Variants in COA8 observed in about 807,000 individuals in gnomAD.
The protein encoded by COA8 is cytochrome c oxidase assembly factor 8.
A neutral mutation model predicts 22.0 loss-of-function variants in COA8; 20 were observed. The observed-to-expected ratio is 0.91, with a 90% CI of 0.64 to 1.32. The LOEUF is 1.32. Among genes scored for constraint, COA8 ranks in the 40% most tolerant of loss-of-function variants. The pLI is 0.00. For synonymous variants in COA8, 105 were observed against 79.9 expected (o/e 1.31, Z -1.68); for missense variants, 266 against 230.0 (o/e 1.16, Z -1.01).
At chr14:103,578,024 CAAAA>C (rs780479034) in intron 3 of COA8, among the ~76,000 whole-genome samples, 1 of 49,130 alleles carries the variant, frequency 2.0e-5, no homozygotes, top group Non-Finnish European at 3.7e-5. Flanking sequence ...AACTCCATCT[CAAAA>C]AAAAAAAAAA....
At chr14:103,575,880 T>C (rs2076226324) in intron 3 of COA8, among the ~76,000 whole-genome samples, 1 of 152,074 alleles carries the variant, frequency 6.6e-6, no homozygotes, top group African/African-American at 2.4e-5. Context: ...TTTTTGTGTT[T>C]TTTGTAGAGA....
intron 3 of COA8, among the ~76,000 whole-genome samples, chr14:103,579,717 C>T (rs1332552004): frequency 1.3e-5 from 2 of 151,082 alleles, no homozygotes; most frequent in East Asian, 4.1e-4. Flanking sequence ...AATCCTAGCA[C>T]TTTGGGAGGC....
At chr14:103,577,238 T>TTGTG (rs140756546) in intron 3 of COA8, among the ~76,000 whole-genome samples, 53 of 150,860 alleles carry the variant, frequency 3.5e-4, no homozygotes, top group East Asian at 2.5e-3. Context: ...CCTGGCTAAT[T>TTGTG]TGTGTGTGTG....
intron 4 of COA8, among the ~76,000 whole-genome samples, chr14:103,589,949 C>T (rs139135370): frequency 0.02 from 3,096 of 152,048 alleles, 47 homozygotes; most frequent in Middle Eastern, 0.044. Flanking sequence ...TGGTGGCGGC[C>T]TCCAGAAACA....
intron 1 of COA8, among the ~76,000 whole-genome samples, chr14:103,568,111 A>G (rs1241453825): frequency 6.6e-6 from 1 of 152,204 alleles, no homozygotes; most frequent in Non-Finnish European, 1.5e-5. Context: ...TGAGAGTTAG[A>G]ACAGGAAGCA....
chr14:103,563,157 G>A, intron 1 of COA8, 33 bp downstream of exon 1: 4 of 1,539,164 alleles, frequency 2.6e-6, no homozygotes, highest in Non-Finnish European at 3.5e-6. Flanking sequence ...TGGGCCGGGA[G>A]GGGTGACCGG....
chr14:103,589,202 G>T (rs557669407), intron 4 of COA8, among the ~76,000 whole-genome samples: 3 of 152,296 alleles, frequency 2.0e-5, no homozygotes, highest in African/African-American at 7.2e-5. Context: ...ATAGAATCAG[G>T]TCGTCTGTAT....
intron 1 of COA8, among the ~76,000 whole-genome samples, chr14:103,564,564 T>C (rs58033365): frequency 0.23 from 32,575 of 141,318 alleles, 4,585 homozygotes; most frequent in East Asian, 0.33. Flanking sequence ...TATTGTCATA[T>C]ACACTTCTTT....
intron 1 of COA8, among the ~76,000 whole-genome samples, chr14:103,568,466 T>C (rs560814113): frequency 1.4e-3 from 205 of 151,168 alleles, no homozygotes; most frequent in African/African-American, 2.2e-3. Context: ...CATACATACA[T>C]ACACACACAC....
At chr14:103,585,880 T>C (rs1232742989) in intron 3 of COA8, among the ~76,000 whole-genome samples, 3 of 150,648 alleles carry the variant, frequency 2.0e-5, no homozygotes, top group Non-Finnish European at 1.5e-5. Context: ...GGCCCGGCCC[T>C]TTTTTGTTGT....
chr14:103,584,755 C>T (rs1358590805), intron 3 of COA8, among the ~76,000 whole-genome samples: 1 of 152,014 alleles, frequency 6.6e-6, no homozygotes, highest in African/African-American at 2.4e-5. Flanking sequence ...TTCTGATTTC[C>T]CGTGGTGTTG....
At chr14:103,584,580 T>C (rs1334265520) in intron 3 of COA8, among the ~76,000 whole-genome samples, 1 of 152,190 alleles carries the variant, frequency 6.6e-6, no homozygotes, top group African/African-American at 2.4e-5. Flanking sequence ...GTGTTTAACT[T>C]TTTCAGGAAT....
intron 1 of COA8, among the ~76,000 whole-genome samples, chr14:103,571,348 G>A (rs1431138434): frequency 6.6e-6 from 1 of 151,842 alleles, no homozygotes; most frequent in East Asian, 1.9e-4. Context: ...CAGCCTGAGC[G>A]ACAGAGTGAG....
Position 103,587,508 on chromosome 14 carries a change from C to CT in COA8, c.476+161dup, listed in dbSNP as rs368240107. The CT allele has an allele frequency of 0.046, 14,121 of 307,802 alleles. 129 individuals are homozygous for CT. The highest frequency in any genetic ancestry group is 0.08 in the African/African-American group (3,094 of 38,858). 19.1% of individuals were successfully genotyped at this position (307,802 alleles called of 1,614,324 possible). On this transcript the variant is annotated intron_variant, in intron 4 of 4. Coordinates refer to ENST00000409074, the MANE Select transcript of COA8 (RefSeq NM_001370595.2). ...TATCAACTTTTTTTTTTCTTTTTTTCTTTTTTTTTTTTTTTTTGAGACGGA... is the reference window on the plus strand; with the variant it reads ...TATCAACTTTTTTTTTTCTTTTTTTCTTTTTTTTTTTTTTTTTTGAGACGGA...
chr14:103,567,101 G>A (rs146635730), intron 1 of COA8, among the ~76,000 whole-genome samples: 151 of 152,166 alleles, frequency 9.9e-4, no homozygotes, highest in African/African-American at 3.3e-3. Flanking sequence ...GGCAGGGCGC[G>A]GTGGCTCGTG....
At chr14:103,571,849 A>G (rs1362687281) in intron 2 of COA8, 29 bp downstream of exon 2, 1 of 1,598,812 alleles carries the variant, frequency 6.3e-7, no homozygotes, top group Non-Finnish European at 8.6e-7. Context: ...TCAGAACGGA[A>G]GGGTGCGGTG....
Position 103,563,082 on chromosome 14 carries a change from T to G in COA8, c.81T>G (p.Ala27=). 1 of 1,540,688 alleles carries G rather than the reference T, an allele frequency of 6.5e-7. No homozygotes were observed. The highest frequency in any genetic ancestry group is 1.2e-5 in the South Asian group (1 of 84,440). ...TCGCCTGCCGCGGCTGTCAACTCGC[T>G]CCGGAGCGCGGCGCCGAGCGCAGGG... ...RAFACRGCQL[A]PERGAERRDT... Residue 27 remains alanine, a synonymous_variant, in exon 1 of 5, where the codon GCT becomes GCG. Transcript: ENST00000409074.
intron 1 of COA8, among the ~76,000 whole-genome samples, chr14:103,567,242 G>A (rs1449690760): frequency 6.6e-6 from 1 of 151,814 alleles, no homozygotes. Flanking sequence ...GCGTGGTGGC[G>A]CATGCCTGTA....
At position 103,587,327 on chromosome 14, in the gene COA8, T is replaced by A; in HGVS notation, c.439T>A (p.Leu147Ile). The change falls in exon 4 of 5, where the codon TTA becomes ATA. Residue 147 changes from leucine to isoleucine, a missense_variant. By Grantham distance (5) the Leu-to-Ile change is conservative (BLOSUM62 2). Coordinates refer to ENST00000409074, the MANE Select transcript of COA8 (RefSeq NM_001370595.2). ...EEMADFYKEF[L>I]SKNFQKHMYY... is the part of the protein sequence containing the mutation. The stretch of plus-strand genomic sequence containing the variant: ...AATGGCGGACTTCTACAAGGAATTT[T>A]TAAGTAAAAATTTTCAGAAGCACAT... The A allele has an allele frequency of 6.2e-7, 1 of 1,613,448 alleles. No individual in the cohort carries two copies. Among genetic ancestry groups the A allele is most frequent in the Non-Finnish European group, 8.5e-7 (1 of 1,179,658 alleles).
Sources: gnomAD v4.1 joint callset for allele counts (sites outside exome capture counted in the v4.1 genomes callset) on GRCh38, gnomAD v4.1.1 for gene constraint, MANE v1.5 for transcripts, NCBI Gene and HGNC (gene_info 2026-07-23, HGNC 2026-07-21) for gene names.